The following ELAVL2 variants were observed in gnomAD, a reference collection of about 807,000 sequenced individuals.
The protein encoded by ELAVL2 is ELAV like RNA binding protein 2, also known as ELAV-like protein 2.
Under a neutral mutation model 34.6 loss-of-function variants are expected in ELAVL2, and 4 were observed. The observed-to-expected ratio is 0.12, with a 90% CI of 0.06 to 0.26. The LOEUF (loss-of-function observed/expected upper bound fraction) is 0.26. ELAVL2 is among the 10% of genes least tolerant of loss of function. The pLI, the probability that ELAVL2 is intolerant of heterozygous loss-of-function variation, is 1.00. For missense variants in ELAVL2, 432 were observed against 442.8 expected, an observed-to-expected ratio of 0.98 and a Z score of 0.22; for synonymous variants, 193 against 154.8, an observed-to-expected ratio of 1.25 and a Z score of -1.83.
intron 1 of ELAVL2, among the ~76,000 whole-genome samples, chr9:23,773,285 T>C (rs2057632635): frequency 6.6e-6 from 1 of 152,146 alleles, no homozygotes; most frequent in Admixed American, 6.6e-5. Flanking sequence ...TCAGACCTTA[T>C]CCACTTATAT....
At chr9:23,823,971 A>G (rs951383712) in intron 1 of ELAVL2, among the ~76,000 whole-genome samples, 1 of 152,184 alleles carries the variant, frequency 6.6e-6, no homozygotes, top group Non-Finnish European at 1.5e-5. Flanking sequence ...GAACGGCTGA[A>G]GGTTTAGAAT....
chr9:23,731,302 T>G (rs924421929), intron 2 of ELAVL2, among the ~76,000 whole-genome samples, 177 bp from the exon 3 acceptor site: 6 of 151,944 alleles, frequency 3.9e-5, no homozygotes, highest in South Asian at 2.1e-4. Context: ...GTCTACTACA[T>G]TTTCAAGTTT....
intron 3 of ELAVL2, among the ~76,000 whole-genome samples, chr9:23,716,072 G>A (rs2042221856): frequency 6.7e-6 from 1 of 148,178 alleles, no homozygotes; most frequent in South Asian, 2.2e-4. Context: ...TTAAATCTTT[G>A]TTTTTCACCA....
chr9:23,817,651 G>C (rs1429780701), intron 1 of ELAVL2, among the ~76,000 whole-genome samples: 2 of 152,040 alleles, frequency 1.3e-5, no homozygotes, highest in African/African-American at 2.4e-5. Flanking sequence ...TTGCACAATG[G>C]AATACAAGCT....
At chr9:23,808,493 C>T (rs2062544043) in intron 1 of ELAVL2, among the ~76,000 whole-genome samples, 1 of 151,986 alleles carries the variant, frequency 6.6e-6, no homozygotes, top group Non-Finnish European at 1.5e-5. Flanking sequence ...TTTTAAAGTA[C>T]TGGGGGGCAG....
intron 1 of ELAVL2, among the ~76,000 whole-genome samples, chr9:23,773,377 A>C (rs1323422892): frequency 6.6e-6 from 1 of 151,296 alleles, no homozygotes; most frequent in Non-Finnish European, 1.5e-5. Context: ...TGACCTCACC[A>C]TCTCACCCAG....
At chr9:23,840,381 G>A in the ELAVL2 span, among the ~76,000 whole-genome samples, 1 of 152,036 alleles carries the variant, frequency 6.6e-6, no homozygotes, top group African/African-American at 2.4e-5. Context: ...TAATTCTGAG[G>A]TGTAATCTAA....
rs552894806 is a variant in ELAVL2, at chr9:23,754,403, G to C, written c.229+7603C>G. 1.1e-4 allele frequency among the ~76,000 whole-genome samples: 17 copies of C among 151,972 alleles called. No homozygotes were observed. The East Asian group carries it at 3.1e-3, about 28-fold the overall frequency. On this transcript the variant is annotated intron_variant, in intron 2 of 6. Coordinates refer to ENST00000397312, the MANE Select transcript of ELAVL2 (RefSeq NM_004432.5). ...GAATTAACTTACTGAATGGTGAAAA[G>C]GTCCAGATTTGCCACCCCAAAATAT...
chr9:23,820,839 G>T (rs909100256), intron 1 of ELAVL2, among the ~76,000 whole-genome samples: 1 of 152,212 alleles, frequency 6.6e-6, no homozygotes, highest in African/African-American at 2.4e-5. Flanking sequence ...GCCTCGCCCG[G>T]CAGAGCGCCC....
At chr9:23,771,690 C>G (rs968089895) in intron 1 of ELAVL2, among the ~76,000 whole-genome samples, 7 of 152,110 alleles carry the variant, frequency 4.6e-5, no homozygotes, top group Admixed American at 2.6e-4. Context: ...TGTGAGCCCC[C>G]TTAAAACTTT....
At chr9:23,825,738 T>TA (rs763584750) in intron 1 of ELAVL2, 68 bp downstream of exon 1, 4 of 152,254 alleles carry the variant, frequency 2.6e-5, no homozygotes, top group Non-Finnish European at 5.9e-5. Context: ...TCCGCTCACT[T>TA]ACAGGTTTTC....
intron 1 of ELAVL2, among the ~76,000 whole-genome samples, chr9:23,794,851 T>C (rs952529892): frequency 6.6e-6 from 1 of 152,116 alleles, no homozygotes; most frequent in African/African-American, 2.4e-5. Context: ...TTCCATCTTC[T>C]CTTGTTTTAA....
At chr9:23,811,432 G>T (rs1327540850) in intron 1 of ELAVL2, among the ~76,000 whole-genome samples, 1 of 152,134 alleles carries the variant, frequency 6.6e-6, no homozygotes, top group Non-Finnish European at 1.5e-5. Flanking sequence ...GAAAGCCATA[G>T]TCAGCAGCCC....
chr9:23,787,966 A>C (rs921954958), intron 1 of ELAVL2, among the ~76,000 whole-genome samples: 1 of 152,176 alleles, frequency 6.6e-6, no homozygotes, highest in Admixed American at 6.5e-5. Flanking sequence ...ACTTCAGGGA[A>C]AGTCTGAACA....
intron 1 of ELAVL2, among the ~76,000 whole-genome samples, chr9:23,783,131 A>AATATCTGTGAAAGGT (rs1554743476): frequency 6.6e-6 from 1 of 152,046 alleles, no homozygotes; most frequent in African/African-American, 2.4e-5. Context: ...AATTTACTCC[A>AATATCTGTGAAAGGT]ATACCTGTGA....
chr9:23,819,913 C>G (rs2064296073), intron 1 of ELAVL2, among the ~76,000 whole-genome samples: 1 of 152,166 alleles, frequency 6.6e-6, no homozygotes, highest in South Asian at 2.1e-4. Flanking sequence ...ATATCCTCCC[C>G]ACAACCTTAA....
At chr9:23,696,413 C>T (rs921064231) in intron 5 of ELAVL2, among the ~76,000 whole-genome samples, 1 of 152,206 alleles carries the variant, frequency 6.6e-6, no homozygotes, top group Non-Finnish European at 1.5e-5. Flanking sequence ...ACTACTACAA[C>T]AAGCCCCTAG....
chr9:23,806,538 G>A (rs1309693240), intron 1 of ELAVL2, among the ~76,000 whole-genome samples: 2 of 152,064 alleles, frequency 1.3e-5, no homozygotes, highest in Non-Finnish European at 2.9e-5. Context: ...TCAGGAGGCT[G>A]ATGCTGGAGG....
At chr9:23,823,640 TG>T (rs1462437180) in intron 1 of ELAVL2, among the ~76,000 whole-genome samples, 2 of 152,238 alleles carry the variant, frequency 1.3e-5, no homozygotes, top group Non-Finnish European at 2.9e-5. Context: ...CATATTTTTT[TG>T]CGGGCTTATC....
Sources: allele counts gnomAD v4.1 joint callset (sites outside exome capture counted in the v4.1 genomes callset), GRCh38; gene constraint gnomAD v4.1.1; transcripts MANE v1.5; gene names NCBI Gene and HGNC (gene_info 2026-07-23, HGNC 2026-07-21).